The following BMS1 variants were observed in gnomAD, a reference collection of about 807,000 sequenced individuals.
The protein encoded by BMS1 is BMS1 ribosome biogenesis factor, also known as ribosome biogenesis protein BMS1 homolog.
A neutral mutation model predicts 138.7 loss-of-function variants in BMS1; 53 were observed. The observed-to-expected ratio is 0.38, with a 90% CI of 0.31 to 0.48. The LOEUF is 0.48. Among genes scored for constraint, BMS1 ranks in the 20% least tolerant of loss-of-function variants. The probability of loss-of-function intolerance (pLI) is 0.97; values close to 1 mark genes in which losing one functional copy is unlikely to be tolerated. For missense variants in BMS1, 1,360 were observed against 1,565.5 expected (o/e 0.87, Z 2.22); for synonymous variants, 504 against 539.9 (o/e 0.93, Z 0.92).
Position 42,797,179 on chromosome 10 carries a change from C to CA in BMS1, c.1938dup (p.Glu647ArgfsTer10). The CA allele has an allele frequency of 6.2e-7, 1 of 1,612,040 alleles. No individual in the cohort carries two copies. Among genetic ancestry groups the CA allele is most frequent in the Non-Finnish European group, 8.5e-7 (1 of 1,179,384 alleles). ...AGACCAGTGATATAGAAAATTTACT[C>CA]AAAGAGGAAGAAGATTACAAGGAAG... On this transcript the variant is annotated frameshift_variant, in exon 10 of 23. Coordinates refer to ENST00000374518, the MANE Select transcript of BMS1 (RefSeq NM_014753.4). LOFTEE classifies it high-confidence loss of function.
chr10:42,804,482 C>T lies in BMS1; in HGVS notation c.2329+2264C>T, dbSNP rs181613593. On this transcript the variant is annotated intron_variant, in intron 13 of 22. Coordinates refer to ENST00000374518, the MANE Select transcript of BMS1 (RefSeq NM_014753.4). ...TTGTAGTTTTAGTGACTAATGGTAT[C>T]GAACATTTTTTCATGTGCTTATTTG... 6.7e-4 allele frequency among the ~76,000 whole-genome samples: 102 copies of T among 152,186 alleles called. No individual in the cohort carries two copies. The Middle Eastern group carries it at 0.027, about 41-fold the overall frequency.
chr10:42,797,111 G>A lies in BMS1; in HGVS notation c.1867G>A (p.Val623Met), dbSNP rs1297984777. 3.1e-6 allele frequency: 5 copies of A among 1,614,104 alleles called. No individual in the cohort carries two copies. The highest frequency in any genetic ancestry group is 1.1e-5 in the South Asian group (1 of 91,092). Residue 623 changes from valine (V) to methionine (M), a missense_variant, in exon 10 of 23, where the codon GTG becomes ATG. Transcript: ENST00000374518. ...AAAAAAGCTTTCAAAGCCTTCTCAA[G>A]TGAGCAGTGGTCAGAAACTGGGGCC... ...IRKKLSKPSQ[V>M]SSGQKLGPQN...
In BMS1 at chr10:42,798,462, C is replaced by G. The variant is rs755040749; in HGVS notation, c.2090-6C>G. The G allele has an allele frequency of 6.2e-7, 1 of 1,614,132 alleles. No homozygotes were observed. The highest frequency in any genetic ancestry group is 1.1e-5 in the South Asian group (1 of 91,058). On this transcript the variant is annotated splice_polypyrimidine_tract_variant and splice_region_variant and intron_variant, in intron 11 of 22. Transcript: ENST00000374518. ...TCTCACTTTTCTGCCATGGTGTGCT[C>G]TTTAGTGACAGAAGATAATGAAGAA...
rs1248954472 is a variant in BMS1 at position 42,823,601 on chromosome 10, CT to C, written c.3281-4del. On this transcript the variant is annotated splice_polypyrimidine_tract_variant and splice_region_variant and intron_variant, in intron 20 of 22. Transcript: ENST00000374518. Reference sequence around the variant, plus strand: ...GAAAATGTTAAAGTAAATTACCTCTCTTTTCAGATATTGTCTTCATGCGAAC... The same window carrying C: ...GAAAATGTTAAAGTAAATTACCTCTCTTTCAGATATTGTCTTCATGCGAAC... The C allele has an allele frequency of 6.6e-7, 1 of 1,520,406 alleles. No individual in the cohort carries two copies. The highest frequency in any genetic ancestry group is 8.7e-7 in the Non-Finnish European group (1 of 1,142,944). 94.2% of individuals were successfully genotyped at this position (1,520,406 alleles called of 1,614,324 possible).
chr10:42,795,115 A>G (rs1204107256), intron 9 of BMS1, among the ~76,000 whole-genome samples: 10 of 146,954 alleles, frequency 6.8e-5, no homozygotes, highest in Admixed American at 2.0e-4. Context: ...ATGGCTGCAT[A>G]GTATTCCATG....
chr10:42,785,134 A>G (rs550521640), intron 2 of BMS1, among the ~76,000 whole-genome samples: 74 of 152,330 alleles, frequency 4.9e-4, no homozygotes, highest in African/African-American at 1.4e-3. Context: ...CTTATCTGCT[A>G]TGATGTACTG....
At chr10:42,790,662 C>A in intron 5 of BMS1, 151 bp downstream of exon 5, 1 of 869,584 alleles carries the variant, frequency 1.1e-6, no homozygotes, top group Non-Finnish European at 1.7e-6. Flanking sequence ...GAGCTCAGGG[C>A]AACATGACCA....
chr10:42,822,959 T>C (rs1451449563), intron 19 of BMS1, among the ~76,000 whole-genome samples, 159 bp from the exon 20 acceptor site: 1 of 152,214 alleles, frequency 6.6e-6, no homozygotes, highest in Non-Finnish European at 1.5e-5. Flanking sequence ...CTTTTTGAGA[T>C]AGTAATTCCA....
chr10:42,785,849 T>C (rs1168358318), intron 3 of BMS1, among the ~76,000 whole-genome samples, 177 bp downstream of exon 3: 1 of 152,118 alleles, frequency 6.6e-6, no homozygotes, highest in Non-Finnish European at 1.5e-5. Flanking sequence ...TTCCCAGAGA[T>C]AAGGATGTGA....
chr10:42,812,108 G>A (rs1262343002), intron 13 of BMS1, among the ~76,000 whole-genome samples: 2 of 152,080 alleles, frequency 1.3e-5, no homozygotes, highest in African/African-American at 2.4e-5. Context: ...GGTGTTATAC[G>A]GATGTCAGAT....
At chr10:42,822,034 T>G (rs189051757) in intron 18 of BMS1, 28 bp from the exon 19 acceptor site, 78 of 1,584,924 alleles carry the variant, frequency 4.9e-5, no homozygotes, top group Non-Finnish European at 5.7e-5. Flanking sequence ...ATATTATTCC[T>G]ATTTTCAAAT....
intron 3 of BMS1, among the ~76,000 whole-genome samples, chr10:42,785,970 C>T (rs920798340): frequency 4.6e-5 from 7 of 152,186 alleles, no homozygotes; most frequent in Non-Finnish European, 5.9e-5. Context: ...CGACACCAGC[C>T]ACAGTCCTCT....
rs1176452874 is a variant in BMS1 at position 42,832,093 on chromosome 10, C to G, written c.*997C>G. Reference sequence around the variant, plus strand: ...TCACATTTCCCCAGCTTTACTTTCCCCAACGTATACTCCTCCATGTATGCA... The same window carrying G: ...TCACATTTCCCCAGCTTTACTTTCCGCAACGTATACTCCTCCATGTATGCA... On this transcript the variant is annotated 3_prime_UTR_variant, in exon 23 of 23. Transcript: ENST00000374518. 6.6e-6 allele frequency: 1 copy of G among 152,102 alleles called. No homozygotes were observed. Among genetic ancestry groups the G allele is most frequent in the Non-Finnish European group, 1.5e-5 (1 of 68,024 alleles). 9.4% of individuals were successfully genotyped at this position (152,102 alleles called of 1,614,324 possible).
In BMS1 at chr10:42,797,117, A is replaced by C; in HGVS notation, c.1873A>C (p.Ser625Arg). Residue 625 changes from serine to arginine, a missense_variant, in exon 10 of 23, where the codon AGT becomes CGT. Ser to Arg is a moderately radical substitution (Grantham distance 110). Coordinates refer to ENST00000374518, the MANE Select transcript of BMS1 (RefSeq NM_014753.4). ...KKLSKPSQVS[S>R]GQKLGPQNFI... is the part of the protein sequence containing the mutation. ...GCTTTCAAAGCCTTCTCAAGTGAGCAGTGGTCAGAAACTGGGGCCACAGAA... is the reference window on the plus strand; with the variant it reads ...GCTTTCAAAGCCTTCTCAAGTGAGCCGTGGTCAGAAACTGGGGCCACAGAA... The C allele has an allele frequency of 6.2e-7, 1 of 1,614,274 alleles. No individual in the cohort carries two copies. The highest frequency in any genetic ancestry group is 8.5e-7 in the Non-Finnish European group (1 of 1,180,044).
intron 6 of BMS1, 36 bp downstream of exon 6, chr10:42,791,805 A>G (rs1841513928): frequency 6.3e-6 from 10 of 1,575,384 alleles, no homozygotes; most frequent in South Asian, 1.2e-5. Flanking sequence ...TTCCTGGGCC[A>G]TATATTTCAA....
chr10:42,788,284 CTT>C (rs778154526), intron 4 of BMS1, among the ~76,000 whole-genome samples: 10 of 152,076 alleles, frequency 6.6e-5, no homozygotes, highest in East Asian at 3.8e-4. Flanking sequence ...ATTTGTTTCT[CTT>C]TTATTTAAAA....
intron 21 of BMS1, among the ~76,000 whole-genome samples, chr10:42,829,882 G>A (rs557099904): frequency 6.6e-6 from 1 of 152,256 alleles, no homozygotes; most frequent in East Asian, 1.9e-4. Flanking sequence ...CAAAAAGCTA[G>A]ATTATTTTTG....
intron 13 of BMS1, among the ~76,000 whole-genome samples, chr10:42,811,809 C>T (rs550331074): frequency 6.6e-6 from 1 of 152,138 alleles, no homozygotes; most frequent in African/African-American, 2.4e-5. Context: ...CAGGCGTGAG[C>T]CACCGCGCCC....
chr10:42,831,995 A>G lies in BMS1; in HGVS notation c.*899A>G, dbSNP rs1265103929. The G allele has an allele frequency of 2.6e-5, 4 of 152,084 alleles. No individual in the cohort carries two copies. Among genetic ancestry groups the G allele is most frequent in the Admixed American group, 1.3e-4 (2 of 15,276 alleles). The allele number at this position is 152,084 out of a possible 1,614,324, so 9.4% of individuals were successfully genotyped here. A position where few individuals can be genotyped will look rare whatever the true frequency, so the allele number is the denominator to read the frequency against. On this transcript the variant is annotated 3_prime_UTR_variant, in exon 23 of 23. Transcript: ENST00000374518. ...CACATATAGTTGTATATTTTGCCCA[A>G]TTTCTCTCAGTGGTAATGTTTCACA... is the stretch of plus-strand genomic sequence containing the variant.
Sources: gnomAD v4.1 joint callset for allele counts (sites outside exome capture counted in the v4.1 genomes callset) on GRCh38, gnomAD v4.1.1 for gene constraint, MANE v1.5 for transcripts, NCBI Gene and HGNC (gene_info 2026-07-23, HGNC 2026-07-21) for gene names.